The following UCKL1 variants were observed in gnomAD, a reference collection of about 807,000 sequenced individuals.
The protein encoded by UCKL1 is uridine-cytidine kinase-like 1.
A neutral mutation model predicts 59.2 loss-of-function variants in UCKL1; 65 were observed. That is an observed-to-expected ratio of 1.10 (90% CI 0.90 to 1.35). The LOEUF (loss-of-function observed/expected upper bound fraction) is 1.35, where lower values mean the gene tolerates loss of function less well. UCKL1 is among the 40% of genes most tolerant of loss of function. UCKL1 has a pLI of 0.00. For synonymous variants in UCKL1, 410 were observed against 323.1 expected, an observed-to-expected ratio of 1.27 and a Z score of -2.88; for missense variants, 703 against 784.3, an observed-to-expected ratio of 0.90 and a Z score of 1.24.
In UCKL1 at chr20:63,941,166, C is replaced by CCGGGGCAGCGGGTGGCA. The variant is rs1569027687; in HGVS notation, c.949_965dup (p.Thr323AlafsTer8). On this transcript the variant is annotated frameshift_variant, in exon 9 of 15. Transcript: ENST00000354216. LOFTEE classifies it high-confidence loss of function. ...GCGTGCTCTTCAGGACGCTCAGCGT[C>CCGGGGCAGCGGGTGGCA]CGGGGCAGCGGGTGGCACTGGTGTG... The CCGGGGCAGCGGGTGGCA allele has an allele frequency of 1.9e-6, 3 of 1,579,386 alleles. No individual in the cohort carries two copies. Among genetic ancestry groups the CCGGGGCAGCGGGTGGCA allele is most frequent in the Non-Finnish European group, 2.6e-6 (3 of 1,168,188 alleles).
chr20:63,941,940 A>G lies in UCKL1; in HGVS notation c.924-732T>C, dbSNP rs575667755. 2.9e-4 allele frequency among the ~76,000 whole-genome samples: 44 copies of G among 150,036 alleles called. 1 individual carries two copies. In the South Asian group the frequency reaches 3.0e-3, roughly 10 times the overall value. ...AGAATTGGGTGTGGCAGGGGAAGGA[A>G]AGAGGCAGGGCACGGAATTGGGTGT... On this transcript the variant is annotated intron_variant, in intron 8 of 14. Transcript: ENST00000354216.
Position 63,941,171 on chromosome 20 carries a change from G to A in UCKL1, c.961C>T (p.Pro321Ser). 1.3e-6 allele frequency: 2 copies of A among 1,572,210 alleles called. No individual in the cohort carries two copies. The highest frequency in any genetic ancestry group is 1.7e-6 in the Non-Finnish European group (2 of 1,164,802). ...CTCTTCAGGACGCTCAGCGTCCGGG[G>A]CAGCGGGTGGCACTGGTGTGCCGAG... ...LASAHQCHPL[P>S]RTLSVLKSTP... is the part of the protein sequence containing the mutation. Residue 321 changes from proline to serine, a missense_variant, in exon 9 of 15, where the codon CCC becomes TCC. Physicochemically the swap from Pro to Ser is moderately conservative, Grantham distance 74 (BLOSUM62 -1). Coordinates refer to ENST00000354216, the MANE Select transcript of UCKL1 (RefSeq NM_017859.4).
intron 1 of UCKL1, among the ~76,000 whole-genome samples, chr20:63,948,649 A>AG (rs2057016848): frequency 1.4e-5 from 1 of 71,906 alleles, no homozygotes; most frequent in African/African-American, 5.3e-5. Flanking sequence ...CGTGTGTGAG[A>AG]GGGAGGGGCG....
At position 63,944,478 on chromosome 20, in the gene UCKL1, C is replaced by T. The variant is rs559088272; in HGVS notation, c.845-20G>A. The stretch of plus-strand genomic sequence containing the variant: ...CGCTCCCTGGGGCGGGATGGGGGGG[C>T]GGGTGACCGGGGGCTGGGCCGTTGG... On this transcript the variant is annotated intron_variant, in intron 6 of 14. Transcript: ENST00000354216. 43 of 1,375,520 alleles carry T rather than the reference C, an allele frequency of 3.1e-5. No individual in the cohort carries two copies. In the East Asian group the frequency reaches 3.3e-4, roughly 11 times the overall value. The allele number at this position is 1,375,520 out of a possible 1,614,324, so 85.2% of individuals were successfully genotyped here. A position where few individuals can be genotyped will look rare whatever the true frequency, so the allele number is the denominator to read the frequency against.
At chr20:63,956,081 T>A (rs2058609902) in intron 1 of UCKL1, 179 bp downstream of exon 1, 6 of 539,974 alleles carry the variant, frequency 1.1e-5, no homozygotes, top group Non-Finnish European at 3.0e-6. Flanking sequence ...AGGTCCGTCC[T>A]CCCGGCCGCT....
chr20:63,949,285 A>C (rs2057202108), intron 1 of UCKL1, among the ~76,000 whole-genome samples: 1 of 152,160 alleles, frequency 6.6e-6, no homozygotes, highest in Non-Finnish European at 1.5e-5. Context: ...CGACCAGGCG[A>C]GGGCGGCCCG....
chr20:63,941,083 C>T (rs779341073), intron 9 of UCKL1, 27 bp downstream of exon 9: 1 of 1,599,214 alleles, frequency 6.3e-7, no homozygotes, highest in Non-Finnish European at 8.5e-7. Context: ...GCGCCCGGGG[C>T]CGCCCCGTCC....
In UCKL1 at chr20:63,940,784, A is replaced by G; in HGVS notation, c.1179+10T>C. 4 of 1,595,978 alleles carry G rather than the reference A, an allele frequency of 2.5e-6. No homozygotes were observed. Among genetic ancestry groups the G allele is most frequent in the Non-Finnish European group, 3.4e-6 (4 of 1,172,400 alleles). On this transcript the variant is annotated intron_variant, in intron 11 of 14. Transcript: ENST00000354216. ...GCCTGTCCCGCGCCCAGGTGTGCCCAGGCAGGTACCTGCTTCCCCGCATAG... is the reference window on the plus strand; with the variant it reads ...GCCTGTCCCGCGCCCAGGTGTGCCCGGGCAGGTACCTGCTTCCCCGCATAG...
At chr20:63,953,994 T>G (rs2146777844) in intron 1 of UCKL1, 1 of 152,936 alleles carries the variant, frequency 6.5e-6, no homozygotes, top group Non-Finnish European at 1.5e-5. Flanking sequence ...AGGTCAGGTT[T>G]AAGGGAAGTT....
chr20:63,940,562 C>T (rs2054092970), intron 12 of UCKL1, 32 bp downstream of exon 12: 1 of 1,604,690 alleles, frequency 6.2e-7, no homozygotes, highest in South Asian at 1.1e-5. Context: ...CCCCCTACCC[C>T]CGGGCTCATC....
rs1291623917 is a variant in UCKL1 at position 63,940,199 on chromosome 20, C to G, written c.1518G>C (p.Thr506=). 1.2e-6 allele frequency: 2 copies of G among 1,612,772 alleles called. No individual in the cohort carries two copies. Among genetic ancestry groups the G allele is most frequent in the Non-Finnish European group, 1.7e-6 (2 of 1,179,988 alleles). ...YAFPRVRIIT[T]AVDKRVNDLF... is the part of the protein sequence containing the mutation. Reference sequence around the variant, plus strand: ...GGTCATTGACCCGCTTGTCCACCGCCGTGGTGATGATTCTCACTCGCGGAA... The same window carrying G: ...GGTCATTGACCCGCTTGTCCACCGCGGTGGTGATGATTCTCACTCGCGGAA... Residue 506 remains threonine (T), a synonymous_variant, in exon 14 of 15, where the codon ACG becomes ACC. Coordinates refer to ENST00000354216, the MANE Select transcript of UCKL1 (RefSeq NM_017859.4).
intron 7 of UCKL1, among the ~76,000 whole-genome samples, chr20:63,944,096 C>CCTGT (rs2055453386): frequency 6.6e-6 from 1 of 152,206 alleles, no homozygotes; most frequent in African/African-American, 2.4e-5. Context: ...GCAGGTCATG[C>CCTGT]CTGTCTTCCC....
intron 1 of UCKL1, among the ~76,000 whole-genome samples, chr20:63,952,000 G>A (rs567882825): frequency 2.4e-4 from 37 of 152,298 alleles, no homozygotes; most frequent in Admixed American, 9.8e-4. Flanking sequence ...CAGGGAAAAG[G>A]GAAGACTCCA....
rs768190309 is a variant in UCKL1 at position 63,939,925 on chromosome 20, G to T, written c.*51C>A. 1.9e-5 allele frequency: 29 copies of T among 1,494,264 alleles called. No individual in the cohort carries two copies. Among genetic ancestry groups the T allele is most frequent in the Non-Finnish European group, 2.5e-5 (27 of 1,074,894 alleles). The allele number at this position is 1,494,264 out of a possible 1,614,324, so 92.6% of individuals were successfully genotyped here. On this transcript the variant is annotated 3_prime_UTR_variant, in exon 15 of 15. Coordinates refer to ENST00000354216, the MANE Select transcript of UCKL1 (RefSeq NM_017859.4). ...TAACATCTTTGTATTCAGCAGTCCTGGGTCAGGAGGCAGGAGGAGGGTGGT... is the reference window on the plus strand; with the variant it reads ...TAACATCTTTGTATTCAGCAGTCCTTGGTCAGGAGGCAGGAGGAGGGTGGT...
intron 1 of UCKL1, chr20:63,955,942 G>T (rs1386224581): frequency 1.2e-5 from 3 of 247,738 alleles, no homozygotes; most frequent in African/African-American, 2.3e-5. Flanking sequence ...GCACAGTCGA[G>T]CAGGCACACA....
At position 63,951,087 on chromosome 20, in the gene UCKL1, G is replaced by C. The variant is rs564235524; in HGVS notation, c.114-4444C>G. On this transcript the variant is annotated intron_variant, in intron 1 of 14. Transcript: ENST00000354216. The stretch of plus-strand genomic sequence containing the variant: ...AAGCTGCCTGCCAAATGTCAGCAGA[G>C]GCACAGCAGCTAGGAGGCCCTTGAA... 5.9e-6 allele frequency: 7 copies of C among 1,189,054 alleles called. No homozygotes were observed. In the South Asian group the frequency reaches 2.2e-4, roughly 37 times the overall value. The allele number at this position is 1,189,054 out of a possible 1,614,324, so 73.7% of individuals were successfully genotyped here.
intron 1 of UCKL1, chr20:63,950,839 G>T: frequency 6.6e-7 from 1 of 1,513,056 alleles, no homozygotes. Context: ...TCGAGGACAC[G>T]GGTGGGTGCT....
rs770255021 is a variant in UCKL1, at chr20:63,956,333, G to C, written c.40C>G (p.Pro14Ala). ...TCTCGGGCCGTAGGTGGCGACGTGGGCGAAGGATCAGCGTCCGCGCGGGCC... is the reference window on the plus strand; with the variant it reads ...TCTCGGGCCGTAGGTGGCGACGTGGCCGAAGGATCAGCGTCCGCGCGGGCC... ...PPARADADPSPTSPPTARDTP... is the reference protein window; with the variant it reads ...PPARADADPSATSPPTARDTP... Residue 14 changes from proline to alanine, a missense_variant, in exon 1 of 15, where the codon CCC (proline) becomes GCC (alanine). Coordinates refer to ENST00000354216, the MANE Select transcript of UCKL1 (RefSeq NM_017859.4). 12 of 1,553,004 alleles carry C rather than the reference G, an allele frequency of 7.7e-6. No homozygotes were observed.
At chr20:63,948,756 T>C (rs1156740434) in intron 1 of UCKL1, among the ~76,000 whole-genome samples, 1 of 151,250 alleles carries the variant, frequency 6.6e-6, no homozygotes, top group Non-Finnish European at 1.5e-5. Context: ...GCCCTAACCA[T>C]GATCACTCTC....
Sources: allele counts gnomAD v4.1 joint callset (sites outside exome capture counted in the v4.1 genomes callset), GRCh38; gene constraint gnomAD v4.1.1; transcripts MANE v1.5; gene names NCBI Gene and HGNC (gene_info 2026-07-23, HGNC 2026-07-21).